The following APP variants were observed in gnomAD, a reference collection of about 807,000 sequenced individuals.
The protein encoded by APP is amyloid beta precursor protein, also known as amyloid-beta precursor protein.
APP carries 31 observed loss-of-function variants against 101.4 expected under a neutral mutation model. The ratio of observed to expected loss-of-function variants is 0.31; its 90% CI spans 0.23 to 0.41. The LOEUF is 0.41. APP is among the 10% of genes least tolerant of loss of function. The pLI is 1.00. For synonymous variants in APP, 366 were observed against 364.4 expected, an observed-to-expected ratio of 1.00 and a Z score of -0.05; for missense variants, 839 against 1,003.7, an observed-to-expected ratio of 0.84 and a Z score of 2.22.
At chr21:26,129,508 T>G (rs1035108699) in intron 1 of APP, among the ~76,000 whole-genome samples, 2 of 152,006 alleles carry the variant, frequency 1.3e-5, no homozygotes, top group African/African-American at 4.8e-5. Flanking sequence ...TCTTTTAAAC[T>G]ATACAGGTGA....
intron 14 of APP, among the ~76,000 whole-genome samples, chr21:25,907,915 G>C (rs1258724552): frequency 6.6e-6 from 1 of 152,104 alleles, no homozygotes; most frequent in African/African-American, 2.4e-5. Flanking sequence ...AAATATACTA[G>C]AAGGCAGCTT....
intron 9 of APP, 129 bp from the exon 10 acceptor site, chr21:25,976,157 C>G (rs937487899): frequency 2.9e-6 from 2 of 698,970 alleles, no homozygotes; most frequent in Admixed American, 4.3e-5. Context: ...TTATTACATA[C>G]CCCTTCCTAT....
At chr21:25,898,097 GCATT>G in intron 15 of APP, 1 of 183,720 alleles carries the variant, frequency 5.4e-6, no homozygotes, top group East Asian at 1.5e-4. Context: ...TTAAAAATGA[GCATT>G]AATTACCTGG....
At chr21:26,160,218 A>T (rs2063463174) in intron 1 of APP, among the ~76,000 whole-genome samples, 1 of 152,202 alleles carries the variant, frequency 6.6e-6, no homozygotes. Context: ...CCAAAATTGC[A>T]ATTTTGTCTC....
chr21:25,887,968 T>TTG (rs1461983793), intron 17 of APP, among the ~76,000 whole-genome samples: 4 of 152,116 alleles, frequency 2.6e-5, no homozygotes, highest in African/African-American at 9.7e-5. Flanking sequence ...TTCTCAGGAG[T>TTG]TTTTTTCCTA....
intron 11 of APP, among the ~76,000 whole-genome samples, chr21:25,971,139 C>T (rs2042016794): frequency 6.6e-6 from 1 of 152,128 alleles, no homozygotes; most frequent in Non-Finnish European, 1.5e-5. Context: ...CCTCTGCCTC[C>T]CAGGTTCAGG....
At chr21:25,969,833 T>TGAAAAGAAAA (rs200205249) in intron 11 of APP, among the ~76,000 whole-genome samples, 1,546 of 117,456 alleles carry the variant, frequency 0.013, 38 homozygotes, top group African/African-American at 0.048. Flanking sequence ...AGCAAGACCC[T>TGAAAAGAAAA]GAAAAGAAAA....
At position 25,954,618 on chromosome 21, in the gene APP, T is replaced by C; in HGVS notation, c.1659A>G (p.Ala553=). The C allele has an allele frequency of 3.1e-6, 5 of 1,614,120 alleles. No homozygotes were observed. The highest frequency in any genetic ancestry group is 2.2e-5 in the South Asian group (2 of 91,068). The change falls in exon 13 of 18, where the codon GCA becomes GCG. Residue 553 remains alanine (A), a synonymous_variant. Coordinates refer to ENST00000346798, the MANE Select transcript of APP (RefSeq NM_000484.4). The part of the protein sequence containing the change: ...QSLSLLYNVP[A]VAEEIQDEVD... ...CTTCATCCTGAATCTCCTCGGCCACTGCAGGCACGTTGTAGAGCAGGGAGA... is the reference window on the plus strand; with the variant it reads ...CTTCATCCTGAATCTCCTCGGCCACCGCAGGCACGTTGTAGAGCAGGGAGA...
intron 3 of APP, among the ~76,000 whole-genome samples, chr21:26,083,487 A>C (rs2061638486): frequency 6.6e-6 from 1 of 152,262 alleles, no homozygotes. Flanking sequence ...AAAAATGTAG[A>C]CTGCAAGGAA....
In APP at chr21:26,017,648, G is replaced by A. The variant is rs540655858; in HGVS notation, c.865+4192C>T. 2.3e-3 allele frequency among the ~76,000 whole-genome samples: 345 copies of A among 148,012 alleles called. 2 individuals carry two copies. Among genetic ancestry groups the A allele is most frequent in the African/African-American group, 8.3e-3 (334 of 40,130 alleles). On this transcript the variant is annotated intron_variant, in intron 6 of 17. Transcript: ENST00000346798. ...GAAATGTCCAGTTCCTCTGGACAGG[G>A]CACAATTGGCTAGATTAAATAAAAG... is the stretch of plus-strand genomic sequence containing the variant.
chr21:26,102,301 G>A (rs1254954460), intron 2 of APP, among the ~76,000 whole-genome samples: 1 of 151,840 alleles, frequency 6.6e-6, no homozygotes, highest in African/African-American at 2.4e-5. Flanking sequence ...GTGTTAGCCG[G>A]GATGGTCTCG....
chr21:25,910,878 A>G (rs2039038014), intron 14 of APP, among the ~76,000 whole-genome samples: 1 of 152,258 alleles, frequency 6.6e-6, no homozygotes, highest in Admixed American at 6.5e-5. Context: ...TGTAAGAATA[A>G]GTAGCCAGTG....
chr21:25,934,780 A>C (rs903879906), intron 13 of APP: 2 of 152,226 alleles, frequency 1.3e-5, no homozygotes, highest in Non-Finnish European at 2.9e-5. Flanking sequence ...GGAATTAAAC[A>C]AAGGAGATGA....
chr21:25,901,470 G>C (rs1395576950), intron 15 of APP, among the ~76,000 whole-genome samples: 1 of 152,016 alleles, frequency 6.6e-6, no homozygotes, highest in Non-Finnish European at 1.5e-5. Flanking sequence ...AGTTTGAGAA[G>C]CTCTTGGCAG....
At chr21:26,032,788 A>C (rs904258077) in intron 5 of APP, among the ~76,000 whole-genome samples, 3 of 77,944 alleles carry the variant, frequency 3.8e-5, no homozygotes, top group African/African-American at 1.2e-4. Context: ...GGGGCTTATT[A>C]TTTTAGAAAA....
chr21:26,079,135 A>C (rs1313918900), intron 3 of APP, among the ~76,000 whole-genome samples: 1 of 152,024 alleles, frequency 6.6e-6, no homozygotes, highest in Non-Finnish European at 1.5e-5. Context: ...GGTTCTGAAG[A>C]CAAAGGGGAA....
chr21:26,056,605 T>C (rs530228437), intron 3 of APP, among the ~76,000 whole-genome samples: 1 of 144,382 alleles, frequency 6.9e-6, no homozygotes, highest in South Asian at 2.5e-4. Context: ...CTATAACAAT[T>C]GTTCATTATG....
intron 7 of APP, among the ~76,000 whole-genome samples, chr21:25,999,101 G>T (rs559195390): frequency 6.6e-6 from 1 of 152,160 alleles, no homozygotes; most frequent in Non-Finnish European, 1.5e-5. Flanking sequence ...GACCAGCCTG[G>T]TCAACATGGT....
At chr21:26,152,015 G>A (rs1013573997) in intron 1 of APP, among the ~76,000 whole-genome samples, 9 of 152,182 alleles carry the variant, frequency 5.9e-5, no homozygotes, top group Non-Finnish European at 1.0e-4. Flanking sequence ...GGTGGCTCAC[G>A]CCTGTAATCC....
Sources: allele counts gnomAD v4.1 joint callset (sites outside exome capture counted in the v4.1 genomes callset), GRCh38; gene constraint gnomAD v4.1.1; transcripts MANE v1.5; gene names NCBI Gene and HGNC (gene_info 2026-07-23, HGNC 2026-07-21).